ZMYM4: variants seen among roughly 807,000 people sequenced by gnomAD.
ZMYM4 encodes the protein zinc finger MYM-type containing 4, also known as zinc finger MYM-type protein 4.
ZMYM4 carries 31 observed loss-of-function variants against 183.2 expected under a neutral mutation model. That is an observed-to-expected ratio of 0.17 (90% CI 0.13 to 0.23). The LOEUF is 0.23. Among genes scored for constraint, ZMYM4 ranks in the 10% least tolerant of loss-of-function variants. ZMYM4 has a pLI of 1.00. For missense variants in ZMYM4, 1,273 were observed against 1,840.3 expected (o/e 0.69, Z 5.64); for synonymous variants, 592 against 631.2 (o/e 0.94, Z 0.93).
At chr1:35,352,332 C>G (rs908537024) in intron 2 of ZMYM4, among the ~76,000 whole-genome samples, 1 of 139,012 alleles carries the variant, frequency 7.2e-6, no homozygotes, top group Non-Finnish European at 1.5e-5. Flanking sequence ...AAAACAAAAA[C>G]CAGACTGGGC....
intron 23 of ZMYM4, among the ~76,000 whole-genome samples, chr1:35,402,459 T>A (rs1297119258): frequency 6.6e-6 from 1 of 151,968 alleles, no homozygotes; most frequent in South Asian, 2.1e-4. Context: ...CTACTAAAAA[T>A]TTTAAAAATT....
chr1:35,356,246 G>A (rs886527427), intron 2 of ZMYM4, among the ~76,000 whole-genome samples: 3 of 152,138 alleles, frequency 2.0e-5, no homozygotes, highest in African/African-American at 7.2e-5. Flanking sequence ...ATAAGTAAAT[G>A]TAGTGATATG....
intron 2 of ZMYM4, among the ~76,000 whole-genome samples, chr1:35,326,880 G>C (rs190104483): frequency 9.5e-4 from 145 of 152,130 alleles, no homozygotes; most frequent in Non-Finnish European, 1.6e-3. Flanking sequence ...CTTTTTTTGA[G>C]ATGGAGCCTT....
At chr1:35,383,410 G>A (rs1210407318) in intron 9 of ZMYM4, among the ~76,000 whole-genome samples, 1 of 152,018 alleles carries the variant, frequency 6.6e-6, no homozygotes, top group Non-Finnish European at 1.5e-5. Flanking sequence ...ATTTAATAGC[G>A]TTGATTAGGA....
chr1:35,335,293 G>A (rs1474944903), intron 2 of ZMYM4, among the ~76,000 whole-genome samples: 3 of 151,472 alleles, frequency 2.0e-5, no homozygotes, highest in African/African-American at 7.3e-5. Flanking sequence ...CTGGAGTGCA[G>A]TGACGCGATC....
rs765891416 is a variant in ZMYM4, at chr1:35,297,130, G to T, written c.39+28045G>T. Among the ~76,000 whole-genome samples, 61 of 151,848 alleles carry T rather than the reference G, an allele frequency of 4.0e-4. 1 individual carries two copies. The highest frequency in any genetic ancestry group is 3.4e-3 in the Middle Eastern group (1 of 294). ...CTTCCAAAGTGCTGGGATTACAAGC[G>T]TGAGGCACCGCGCCCAGCCTGCTCT... On this transcript the variant is annotated intron_variant, in intron 1 of 29. Transcript: ENST00000314607.
rs74689575 is a variant in ZMYM4 at position 35,284,783 on chromosome 1, G to C, written c.39+15698G>C. Reference sequence around the variant, plus strand: ...TGCTCTGTGCTCATGTGATTTCTTAGTGTTTGTGAGGTGAGAGAGAGTGTA... The same window carrying C: ...TGCTCTGTGCTCATGTGATTTCTTACTGTTTGTGAGGTGAGAGAGAGTGTA... On this transcript the variant is annotated intron_variant, in intron 1 of 29. Coordinates refer to ENST00000314607, the MANE Select transcript of ZMYM4 (RefSeq NM_005095.3). 4.2e-4 allele frequency among the ~76,000 whole-genome samples: 64 copies of C among 152,258 alleles called. No homozygotes were observed. In the East Asian group the frequency reaches 7.3e-3, roughly 17 times the overall value.
At chr1:35,331,602 A>G (rs746427410) in intron 2 of ZMYM4, among the ~76,000 whole-genome samples, 2 of 151,950 alleles carry the variant, frequency 1.3e-5, no homozygotes, top group Non-Finnish European at 2.9e-5. Context: ...CCTAGCCAAC[A>G]TGGTGAAACC....
At chr1:35,399,109 G>A in intron 22 of ZMYM4, 66 bp downstream of exon 22, 1 of 1,508,470 alleles carries the variant, frequency 6.6e-7, no homozygotes, top group Non-Finnish European at 9.1e-7. Flanking sequence ...ACTCTGAATT[G>A]ACACTATTAA....
intron 2 of ZMYM4, among the ~76,000 whole-genome samples, chr1:35,325,674 T>C (rs1192110919): frequency 6.6e-6 from 1 of 152,158 alleles, no homozygotes; most frequent in Non-Finnish European, 1.5e-5. Context: ...AGATTATACT[T>C]ACCACTATTA....
intron 1 of ZMYM4, among the ~76,000 whole-genome samples, chr1:35,295,004 A>G (rs546952713): frequency 2.0e-5 from 3 of 152,326 alleles, no homozygotes; most frequent in South Asian, 4.1e-4. Context: ...CTTTCATTCA[A>G]CAAGTGTTTG....
chr1:35,335,284 T>C (rs1190364117), intron 2 of ZMYM4, among the ~76,000 whole-genome samples: 1 of 152,036 alleles, frequency 6.6e-6, no homozygotes, highest in Non-Finnish European at 1.5e-5. Flanking sequence ...TCACCCAGGC[T>C]GGAGTGCAGT....
intron 1 of ZMYM4, among the ~76,000 whole-genome samples, chr1:35,288,754 G>A (rs1640622526): frequency 6.6e-6 from 1 of 152,134 alleles, no homozygotes; most frequent in Non-Finnish European, 1.5e-5. Flanking sequence ...TCTTTTCTTT[G>A]AAACTCAGAA....
At chr1:35,341,573 GTTAC>G (rs1643202894) in intron 2 of ZMYM4, among the ~76,000 whole-genome samples, 2 of 151,330 alleles carry the variant, frequency 1.3e-5, no homozygotes, top group African/African-American at 4.9e-5. Context: ...TAGTCAGGGT[GTTAC>G]TTAATTCCCT....
At chr1:35,314,377 C>T (rs1366348230) in intron 1 of ZMYM4, among the ~76,000 whole-genome samples, 2 of 152,084 alleles carry the variant, frequency 1.3e-5, no homozygotes, top group Admixed American at 6.6e-5. Context: ...CTCCGCCTCC[C>T]GGGTTCCAGC....
intron 1 of ZMYM4, among the ~76,000 whole-genome samples, chr1:35,292,979 G>T (rs1348397520): frequency 6.7e-6 from 1 of 149,916 alleles, no homozygotes. Flanking sequence ...TACCATAATA[G>T]AATTGTGTCT....
intron 2 of ZMYM4, among the ~76,000 whole-genome samples, chr1:35,354,634 G>A (rs1643747483): frequency 6.7e-6 from 1 of 149,920 alleles, no homozygotes; most frequent in Non-Finnish European, 1.5e-5. Flanking sequence ...GGCTGAGGCA[G>A]GAGAATCGCT....
intron 2 of ZMYM4, chr1:35,351,714 C>T (rs1643614295): frequency 2.3e-6 from 1 of 443,092 alleles, no homozygotes; most frequent in Non-Finnish European, 4.0e-6. Context: ...CAAAAATGTG[C>T]AGGAGGAATA....
chr1:35,396,189 A>C (rs1023254832), intron 18 of ZMYM4, among the ~76,000 whole-genome samples: 3 of 152,180 alleles, frequency 2.0e-5, no homozygotes, highest in Non-Finnish European at 4.4e-5. Flanking sequence ...ATGATTTTGA[A>C]ATGTGCATTA....
Sources: allele counts gnomAD v4.1 joint callset (sites outside exome capture counted in the v4.1 genomes callset), GRCh38; gene constraint gnomAD v4.1.1; transcripts MANE v1.5; gene names NCBI Gene and HGNC (gene_info 2026-07-23, HGNC 2026-07-21).